Variants in FSTL4 observed in about 807,000 individuals in gnomAD.
The protein encoded by FSTL4 is follistatin like 4.
A neutral mutation model predicts 78.2 loss-of-function variants in FSTL4; 28 were observed. The observed-to-expected ratio is 0.36, with a 90% CI of 0.27 to 0.49. The LOEUF (loss-of-function observed/expected upper bound fraction) is 0.49. FSTL4 is among the 20% of genes least tolerant of loss of function. The pLI, the probability that FSTL4 is intolerant of heterozygous loss-of-function variation, is 0.98. For synonymous variants in FSTL4, 422 were observed against 440.5 expected (o/e 0.96, Z 0.53); for missense variants, 922 against 1,084.9 (o/e 0.85, Z 2.11).
the FSTL4 span, among the ~76,000 whole-genome samples, chr5:133,714,428 C>T: frequency 6.6e-6 from 1 of 152,168 alleles, no homozygotes; most frequent in Non-Finnish European, 1.5e-5. Flanking sequence ...AGCCCACGCT[C>T]TTAACCCTGA....
At chr5:133,224,071 C>T in intron 11 of FSTL4, 119 bp downstream of exon 11, 1 of 677,768 alleles carries the variant, frequency 1.5e-6, no homozygotes, top group Non-Finnish European at 2.6e-6. Flanking sequence ...ACATTGACTT[C>T]CTGCTCCCAT....
intron 3 of FSTL4, among the ~76,000 whole-genome samples, chr5:133,483,266 G>A (rs1489637838): frequency 6.6e-6 from 1 of 152,092 alleles, no homozygotes; most frequent in Non-Finnish European, 1.5e-5. Flanking sequence ...CTTTTTCTTT[G>A]TAAATTGCCC....
At chr5:133,280,749 C>T (rs1752989296) in intron 6 of FSTL4, among the ~76,000 whole-genome samples, 1 of 152,322 alleles carries the variant, frequency 6.6e-6, no homozygotes, top group South Asian at 2.1e-4. Context: ...CTGTGATGGC[C>T]TCCCCTACAG....
At position 133,612,257 on chromosome 5, in the gene FSTL4, G is replaced by A. The variant is rs1179927867; in HGVS notation, c.-11+68C>T. 1.3e-5 allele frequency: 2 copies of A among 151,924 alleles called. No individual in the cohort carries two copies. Among genetic ancestry groups the A allele is most frequent in the Non-Finnish European group, 2.9e-5 (2 of 67,962 alleles). 9.4% of individuals were successfully genotyped at this position (151,924 alleles called of 1,614,324 possible). Reference sequence around the variant, plus strand: ...CCAGGACCCCAGTGGGGTGCAGCGGGACCGGCTGGTGGCGGCGCCAGCGAC... The same window carrying A: ...CCAGGACCCCAGTGGGGTGCAGCGGAACCGGCTGGTGGCGGCGCCAGCGAC... On this transcript the variant is annotated intron_variant, in intron 1 of 15. Coordinates refer to ENST00000265342, the MANE Select transcript of FSTL4 (RefSeq NM_015082.2). The surrounding 1 kb of genome is among the most constrained non-coding windows in gnomAD (Gnocchi z 6.2).
the FSTL4 span, among the ~76,000 whole-genome samples, chr5:133,714,614 C>T: frequency 6.6e-6 from 1 of 152,196 alleles, no homozygotes; most frequent in Non-Finnish European, 1.5e-5. Flanking sequence ...AAAACTTCTG[C>T]CAAGCTGTGA....
intron 3 of FSTL4, among the ~76,000 whole-genome samples, chr5:133,549,527 A>G (rs1469729492): frequency 6.6e-6 from 1 of 152,254 alleles, no homozygotes; most frequent in East Asian, 1.9e-4. Flanking sequence ...TAATTCTATT[A>G]TCTGGTCTTC....
chr5:133,752,722 T>C, the FSTL4 span, among the ~76,000 whole-genome samples: 1 of 152,172 alleles, frequency 6.6e-6, no homozygotes, highest in Non-Finnish European at 1.5e-5. Flanking sequence ...TTCCACTGCC[T>C]ATATAACAGT....
At chr5:133,838,790 G>A in the FSTL4 span, among the ~76,000 whole-genome samples, 1 of 152,170 alleles carries the variant, frequency 6.6e-6, no homozygotes, top group African/African-American at 2.4e-5. Context: ...CACTTCTACT[G>A]CATTCTGCTG....
At chr5:133,501,237 A>T (rs1758489737) in intron 3 of FSTL4, among the ~76,000 whole-genome samples, 1 of 151,886 alleles carries the variant, frequency 6.6e-6, no homozygotes, top group Non-Finnish European at 1.5e-5. Context: ...GAGAAAATGC[A>T]GAGCAATTTG....
chr5:133,752,989 T>A, the FSTL4 span, among the ~76,000 whole-genome samples: 1 of 152,216 alleles, frequency 6.6e-6, no homozygotes, highest in African/African-American at 2.4e-5. Flanking sequence ...TCTCATACTA[T>A]TTTGATTCTA....
the FSTL4 span, among the ~76,000 whole-genome samples, chr5:133,838,598 C>A: frequency 1.3e-5 from 2 of 152,132 alleles, no homozygotes; most frequent in Non-Finnish European, 2.9e-5. Flanking sequence ...AAAAACTGGG[C>A]TCCTCCAGTG....
chr5:133,239,149 G>C (rs1473541303), intron 7 of FSTL4, among the ~76,000 whole-genome samples: 1 of 152,232 alleles, frequency 6.6e-6, no homozygotes, highest in Non-Finnish European at 1.5e-5. Flanking sequence ...TGCTGCGCTG[G>C]ATTTCTTGCC....
At chr5:133,214,007 G>A (rs1053854790) in intron 13 of FSTL4, among the ~76,000 whole-genome samples, 3 of 152,194 alleles carry the variant, frequency 2.0e-5, no homozygotes, top group African/African-American at 2.4e-5. Flanking sequence ...CAGAGATAAA[G>A]AGGGATATTT....
chr5:133,506,739 G>A (rs10041577), intron 3 of FSTL4, among the ~76,000 whole-genome samples: 1,594 of 152,282 alleles, frequency 0.01, 28 homozygotes, highest in African/African-American at 0.035. Flanking sequence ...AAACAAAGTT[G>A]TCTAAGCATC....
At chr5:133,516,372 C>A (rs1202622850) in intron 3 of FSTL4, among the ~76,000 whole-genome samples, 3 of 152,050 alleles carry the variant, frequency 2.0e-5, no homozygotes, top group African/African-American at 7.2e-5. Flanking sequence ...TAAATTAATA[C>A]AAACACATAC....
the FSTL4 span, among the ~76,000 whole-genome samples, chr5:133,749,413 AGGCAGATACAGCCCCAAG>A: frequency 6.6e-6 from 1 of 152,212 alleles, no homozygotes; most frequent in Admixed American, 6.5e-5. Context: ...TGATGCCCCT[AGGCAGATACAGCCCCAAG>A]GGCACACAGT....
intron 4 of FSTL4, among the ~76,000 whole-genome samples, chr5:133,369,925 C>T (rs370076198): frequency 1.3e-5 from 2 of 152,134 alleles, no homozygotes; most frequent in African/African-American, 2.4e-5. Context: ...GAGCACCTCC[C>T]TCCCTCCCTC....
chr5:133,371,292 A>G (rs2126943464), intron 4 of FSTL4, among the ~76,000 whole-genome samples: 2 of 152,338 alleles, frequency 1.3e-5, no homozygotes, highest in African/African-American at 2.4e-5. Flanking sequence ...GCTGCCCAGA[A>G]GCCAGCACTG....
chr5:133,220,139 A>C (rs988975708), intron 12 of FSTL4, among the ~76,000 whole-genome samples: 18 of 152,264 alleles, frequency 1.2e-4, no homozygotes, highest in Non-Finnish European at 2.5e-4. Flanking sequence ...TGTACAACTG[A>C]GGACACACTG....
Sources: gnomAD v4.1 joint callset for allele counts (sites outside exome capture counted in the v4.1 genomes callset) on GRCh38, gnomAD v4.1.1 for gene constraint, Gnocchi (gnomAD v3.1) non-coding constraint, MANE v1.5 for transcripts, NCBI Gene and HGNC (gene_info 2026-07-23, HGNC 2026-07-21) for gene names.